CAPN12: variants seen among roughly 807,000 people sequenced by gnomAD.
CAPN12 encodes calpain 12.
CAPN12 carries 107 observed loss-of-function variants against 95.0 expected under a neutral mutation model. The observed-to-expected ratio is 1.13, with a 90% CI of 0.96 to 1.32. CAPN12 has a LOEUF of 1.32. CAPN12 is among the 40% of genes most tolerant of loss of function. The probability of loss-of-function intolerance (pLI) is 0.00; values close to 1 mark genes in which losing one functional copy is unlikely to be tolerated. For synonymous variants in CAPN12, 505 were observed against 415.5 expected (o/e 1.22, Z -2.62); for missense variants, 1,136 against 997.8 (o/e 1.14, Z -1.87).
chr19:38,744,089 A>C lies in CAPN12; in HGVS notation c.77T>G (p.Leu26Arg). ...EAGVGAGRLQ[L>R]FRGQSYEAIR... Reference sequence around the variant, plus strand: ...TGCCTCATAGCTCTGGCCCCGAAAAAGCTGCAGGCGCCCGGCTCCGACCCC... The same window carrying C: ...TGCCTCATAGCTCTGGCCCCGAAAACGCTGCAGGCGCCCGGCTCCGACCCC... Residue 26 changes from leucine (L) to arginine (R), a missense_variant, in exon 1 of 21, where the codon CTT becomes CGT. Coordinates refer to ENST00000328867, the MANE Select transcript of CAPN12 (RefSeq NM_144691.4). 2 of 1,614,122 alleles carry C rather than the reference A, an allele frequency of 1.2e-6. No homozygotes were observed. The highest frequency in any genetic ancestry group is 1.7e-6 in the Non-Finnish European group (2 of 1,180,024).
chr19:38,742,970 G>A, intron 2 of CAPN12, 63 bp downstream of exon 2: 1 of 1,521,238 alleles, frequency 6.6e-7, no homozygotes, highest in South Asian at 1.1e-5. Context: ...AAGGGATGGA[G>A]CTGTCAGGAT....
chr19:38,737,683 G>T, intron 8 of CAPN12, 45 bp from the exon 9 acceptor site: 1 of 1,488,750 alleles, frequency 6.7e-7, no homozygotes, highest in Non-Finnish European at 8.9e-7. Flanking sequence ...CACCTCGAGG[G>T]GGTCCCAAGA....
In CAPN12 at chr19:38,738,690, G is replaced by T. The variant is rs76908209; in HGVS notation, c.730-42C>A. 2,221 of 1,596,630 alleles carry T rather than the reference G, an allele frequency of 1.4e-3. 30 individuals carry two copies. In the African/African-American group the frequency reaches 0.027, roughly 19 times the overall value. Reference sequence around the variant, plus strand: ...ATGGTGAGGCCAAGGTAGGGGACAGGAGGGCAGCTGCTCCTCCCTGCCCCC... The same window carrying T: ...ATGGTGAGGCCAAGGTAGGGGACAGTAGGGCAGCTGCTCCTCCCTGCCCCC... On this transcript the variant is annotated intron_variant, in intron 5 of 20. Coordinates refer to ENST00000328867, the MANE Select transcript of CAPN12 (RefSeq NM_144691.4).
In CAPN12 at chr19:38,734,342, C is replaced by T. The variant is rs768105165; in HGVS notation, c.1792G>A (p.Glu598Lys). Reference protein sequence around the residue: ...TPREIGLRTCEQLLQCFGHGQ... With the variant: ...TPREIGLRTCKQLLQCFGHGQ... ...ACCCCGAAACACTGCAGCAGCTGCT[C>T]ACAGGTCCTGAGCCCGATCTCTCTG... is the stretch of plus-strand genomic sequence containing the variant. The change falls in exon 16 of 21, where the codon GAG (glutamate) becomes AAG (lysine). Residue 598 changes from glutamate (E) to lysine (K), a missense_variant. Coordinates refer to ENST00000328867, the MANE Select transcript of CAPN12 (RefSeq NM_144691.4). The T allele has an allele frequency of 2.5e-6, 4 of 1,608,148 alleles. No individual in the cohort carries two copies. The highest frequency in any genetic ancestry group is 2.7e-5 in the African/African-American group (2 of 74,802).
Position 38,730,480 on chromosome 19 carries a change from A to AAACC in CAPN12, c.*368_*371dup, listed in dbSNP as rs1969496986. ...TGATTTTTTTTCTTGGTTTCTGGAT[A>AAACC]AACCACCCTCTGGGGACAGGATAAT... On this transcript the variant is annotated 3_prime_UTR_variant, in exon 21 of 21. Coordinates refer to ENST00000328867, the MANE Select transcript of CAPN12 (RefSeq NM_144691.4). 4.1e-6 allele frequency: 1 copy of AAACC among 244,420 alleles called. No individual in the cohort carries two copies. The highest frequency in any genetic ancestry group is 8.9e-5 in the East Asian group (1 of 11,278). The allele number at this position is 244,420 out of a possible 1,614,324, so 15.1% of individuals were successfully genotyped here.
At chr19:38,736,721 T>TG in intron 10 of CAPN12, 158 bp from the exon 11 acceptor site, 1 of 895,536 alleles carries the variant, frequency 1.1e-6, no homozygotes, top group Non-Finnish European at 1.7e-6. Context: ...ACCCAGGCCC[T>TG]CGCCGACCCC....
In CAPN12 at chr19:38,738,308, A is replaced by G. The variant is rs1970338296; in HGVS notation, c.930T>C (p.Asp310=). 3 of 1,611,930 alleles carry G rather than the reference A, an allele frequency of 1.9e-6. No individual in the cohort carries two copies. The highest frequency in any genetic ancestry group is 1.7e-6 in the Non-Finnish European group (2 of 1,179,998). ...CATCCTCCTTTTTCACCAGCAGGGC[A>G]TCGCGGCACTCGGTGGGGAGTGTGT... The part of the protein sequence containing the change: ...RWDTLPTECR[D]ALLVKKEDGE... Residue 310 remains aspartate, a synonymous_variant, in exon 8 of 21, where the codon GAT becomes GAC. Transcript: ENST00000328867.
intron 18 of CAPN12, 104 bp from the exon 19 acceptor site, chr19:38,731,327 C>T (rs764454783): frequency 1.2e-5 from 10 of 836,206 alleles, no homozygotes; most frequent in Non-Finnish European, 1.8e-5. Flanking sequence ...CACAGGGTGT[C>T]ACACCCCAAC....
At chr19:38,731,427 C>T (rs553077547) in intron 18 of CAPN12, 19 of 605,120 alleles carry the variant, frequency 3.1e-5, no homozygotes, top group African/African-American at 1.8e-4. Context: ...AAGACAGCCC[C>T]GACCCCATAG....
At position 38,742,511 on chromosome 19, in the gene CAPN12, C is replaced by G; in HGVS notation, c.325G>C (p.Ala109Pro). Residue 109 changes from alanine to proline, a missense_variant, in exon 3 of 21, where the codon GCA becomes CCA. Physicochemically the swap from Ala to Pro is conservative, Grantham distance 27 (BLOSUM62 -1). Coordinates refer to ENST00000328867, the MANE Select transcript of CAPN12 (RefSeq NM_144691.4). Reference protein sequence around the residue: ...QGSLGNCWFLAAAASLTLYPR... With the variant: ...QGSLGNCWFLPAAASLTLYPR... The stretch of plus-strand genomic sequence containing the variant: ...TACAGAGTAAGGGAGGCGGCAGCTG[C>G]AAGGAACCAGCAGTTACCTGGGAGG... 1 of 1,612,112 alleles carries G rather than the reference C, an allele frequency of 6.2e-7. No homozygotes were observed. Among genetic ancestry groups the G allele is most frequent in the Non-Finnish European group, 8.5e-7 (1 of 1,179,068 alleles).
In CAPN12 at chr19:38,736,577, G is replaced by GGGGCGTCGGGGC; in HGVS notation, c.1363-15_1363-14insGCCCCGACGCCC. Reference sequence around the variant, plus strand: ...CTCCTCTGGAATCTGAAAGAAGCAAGAGCAAGGGGCGTCGGGGCAGGGGAG... The same window carrying GGGGCGTCGGGGC: ...CTCCTCTGGAATCTGAAAGAAGCAAGGGGCGTCGGGGCAGCAAGGGGCGTCGGGGCAGGGGAG... On this transcript the variant is annotated splice_polypyrimidine_tract_variant and intron_variant, in intron 10 of 20. Coordinates refer to ENST00000328867, the MANE Select transcript of CAPN12 (RefSeq NM_144691.4). The GGGGCGTCGGGGC allele has an allele frequency of 1.2e-6, 2 of 1,605,540 alleles. No individual in the cohort carries two copies. The highest frequency in any genetic ancestry group is 1.7e-6 in the Non-Finnish European group (2 of 1,176,626).
Position 38,741,896 on chromosome 19 carries a change from G to T in CAPN12, c.441C>A (p.Gly147=). The T allele has an allele frequency of 6.2e-7, 1 of 1,613,828 alleles. No homozygotes were observed. Among genetic ancestry groups the T allele is most frequent in the Non-Finnish European group, 8.5e-7 (1 of 1,179,988 alleles). ...CATCCACCACGACGTCCATCCAGCG[G>T]CCAAACTGCCAGAGCTGGTGGGAGA... ...GVFHFQLWQF[G]RWMDVVVDDR... Residue 147 remains glycine, a synonymous_variant, in exon 4 of 21, where the codon GGC becomes GGA. Transcript: ENST00000328867.
At chr19:38,736,644 C>A in intron 10 of CAPN12, 81 bp from the exon 11 acceptor site, 1 of 1,333,754 alleles carries the variant, frequency 7.5e-7, no homozygotes. Flanking sequence ...CCCTTCTCAC[C>A]TCTGTGCTCT....
upstream of CAPN12, chr19:38,744,549 C>G (rs1347352256): frequency 3.3e-6 from 1 of 300,982 alleles, no homozygotes. Flanking sequence ...GTCTCTATCT[C>G]TCAGACTGCC....
Position 38,744,263 on chromosome 19 carries a change from G to A in CAPN12, c.-98C>T. 9.1e-7 allele frequency: 1 copy of A among 1,093,766 alleles called. No individual in the cohort carries two copies. The highest frequency in any genetic ancestry group is 1.3e-5 in the South Asian group (1 of 77,982). The allele number at this position is 1,093,766 out of a possible 1,614,324, so 67.8% of individuals were successfully genotyped here. ...ATTGGAGCCCCAGTGGGGTCTTTAGGCAATGAGGAGCCTTCCCTCGTTAAT... is the reference window on the plus strand; with the variant it reads ...ATTGGAGCCCCAGTGGGGTCTTTAGACAATGAGGAGCCTTCCCTCGTTAAT... On this transcript the variant is annotated 5_prime_UTR_variant, in exon 1 of 21. Transcript: ENST00000328867.
At chr19:38,733,498 CCA>C (rs1312502726) in intron 18 of CAPN12, 17 of 557,382 alleles carry the variant, frequency 3.0e-5, no homozygotes, top group Non-Finnish European at 4.5e-5. Flanking sequence ...CCTCCCCACC[CCA>C]CACACGCCCC....
chr19:38,737,292 G>GCCCCCCCCCCC lies in CAPN12; in HGVS notation c.1225_1226insGGGGGGGGGGG (p.Ala409GlyfsTer34). On this transcript the variant is annotated frameshift_variant, in exon 10 of 21. Transcript: ENST00000328867. LOFTEE classifies it high-confidence loss of function. Reference sequence around the variant, plus strand: ...CCGCGCTGGGCCCCGTGCCCCTGCAGCCCCCCAGCCCCCCCAGGGCCCTTC... The same window carrying GCCCCCCCCCCC: ...CCGCGCTGGGCCCCGTGCCCCTGCAGCCCCCCCCCCCCCCCCCAGCCCCCCCAGGGCCCTTC... The GCCCCCCCCCCC allele has an allele frequency of 7.0e-7, 1 of 1,422,254 alleles. No homozygotes were observed. The highest frequency in any genetic ancestry group is 1.7e-5 in the African/African-American group (1 of 57,242). The allele number at this position is 1,422,254 out of a possible 1,614,324, so 88.1% of individuals were successfully genotyped here.
rs753042240 is a variant in CAPN12 at position 38,731,204 on chromosome 19, C to T, written c.1977G>A (p.Gln659=). 6 of 1,612,752 alleles carry T rather than the reference C, an allele frequency of 3.7e-6. No individual in the cohort carries two copies. Among genetic ancestry groups the T allele is most frequent in the Non-Finnish European group, 5.1e-6 (6 of 1,179,992 alleles). The stretch of plus-strand genomic sequence containing the variant: ...AGCGGCTGGTGAGGGTCTGGGTCAG[C>T]TGGTTGTTCAGGTGGAAGCCTAGGG... ...LNAAGFHLNN[Q]LTQTLTSRYR... Residue 659 remains glutamine (Q), a synonymous_variant, in exon 19 of 21, where the codon CAG becomes CAA. Transcript: ENST00000328867.
Position 38,741,906 on chromosome 19 carries a change from C to T in CAPN12, c.431G>A (p.Trp144Ter), listed in dbSNP as rs775751369. 8.1e-6 allele frequency: 13 copies of T among 1,613,696 alleles called. No individual in the cohort carries two copies. The African/African-American group carries it at 1.2e-4, about 15-fold the overall frequency. Residue 144 changes from tryptophan to a stop codon, truncating the protein, a stop_gained, in exon 4 of 21, where the codon TGG becomes TAG. Coordinates refer to ENST00000328867, the MANE Select transcript of CAPN12 (RefSeq NM_144691.4). LOFTEE classifies it high-confidence loss of function. ...GYAGVFHFQL[W>*]QFGRWMDVVV... ...GACGTCCATCCAGCGGCCAAACTGCCAGAGCTGGTGGGAGAAGATGCAGGG... is the reference window on the plus strand; with the variant it reads ...GACGTCCATCCAGCGGCCAAACTGCTAGAGCTGGTGGGAGAAGATGCAGGG...
Sources: allele counts gnomAD v4.1 joint callset, GRCh38; gene constraint gnomAD v4.1.1; transcripts MANE v1.5; gene names NCBI Gene and HGNC (gene_info 2026-07-23, HGNC 2026-07-21).